The following GULP1 variants were observed in gnomAD, a reference collection of about 807,000 sequenced individuals.
GULP1 encodes the protein PTB domain-containing engulfment adapter protein 1.
Under a neutral mutation model 40.9 loss-of-function variants are expected in GULP1, and 19 were observed. The ratio of observed to expected loss-of-function variants is 0.46; its 90% CI spans 0.32 to 0.68. GULP1 has a LOEUF of 0.68. Among genes scored for constraint, GULP1 ranks in the 30% least tolerant of loss-of-function variants. The pLI is 0.03. For missense variants in GULP1, 312 were observed against 362.2 expected, an observed-to-expected ratio of 0.86 and a Z score of 1.12; for synonymous variants, 119 against 117.6, an observed-to-expected ratio of 1.01 and a Z score of -0.08.
intron 1 of GULP1, among the ~76,000 whole-genome samples, chr2:188,350,166 A>G (rs929575430): frequency 6.6e-6 from 1 of 151,956 alleles, no homozygotes; most frequent in African/African-American, 2.4e-5. Flanking sequence ...TTTTAGTATT[A>G]TTTTGTCCAT....
intron 9 of GULP1, among the ~76,000 whole-genome samples, chr2:188,582,137 G>A (rs1701451400): frequency 6.6e-6 from 1 of 152,072 alleles, no homozygotes; most frequent in African/African-American, 2.4e-5. Context: ...GTAAAAAAAA[G>A]ATCAAATTAA....
Position 188,331,764 on chromosome 2 carries a change from A to G in GULP1, c.-172+39598A>G, listed in dbSNP as rs527543482. 4.6e-5 allele frequency among the ~76,000 whole-genome samples: 7 copies of G among 152,306 alleles called. No homozygotes were observed. In the South Asian group the frequency reaches 1.2e-3, roughly 27 times the overall value. ...TTGATTATTTCTGATTGTTGGGAAA[A>G]TGGACAAATTATACTTTTACTTATT... is the stretch of plus-strand genomic sequence containing the variant. On this transcript the variant is annotated intron_variant, in intron 1 of 11. Transcript: ENST00000409830.
chr2:188,534,987 A>G (rs1482931883), intron 6 of GULP1, among the ~76,000 whole-genome samples: 3 of 151,422 alleles, frequency 2.0e-5, no homozygotes, highest in Non-Finnish European at 2.9e-5. Flanking sequence ...TCGATTTCCT[A>G]TTATTAAGAC....
chr2:188,479,792 A>G (rs2061311454), intron 3 of GULP1, among the ~76,000 whole-genome samples: 1 of 152,124 alleles, frequency 6.6e-6, no homozygotes, highest in African/African-American at 2.4e-5. Context: ...AAATCCCAAG[A>G]GTTGGATAGT....
At chr2:188,565,152 T>C (rs1174889453) in intron 7 of GULP1, among the ~76,000 whole-genome samples, 1 of 151,908 alleles carries the variant, frequency 6.6e-6, no homozygotes, top group Non-Finnish European at 1.5e-5. Flanking sequence ...AGTGATTTCC[T>C]GGAAATGACC....
At chr2:188,409,270 A>T (rs565810503) in intron 2 of GULP1, among the ~76,000 whole-genome samples, 43 of 152,288 alleles carry the variant, frequency 2.8e-4, no homozygotes, top group African/African-American at 1.0e-3. Flanking sequence ...ATGAAAGAGG[A>T]GAAACTACAA....
chr2:188,534,242 C>T (rs1359914538), intron 6 of GULP1, among the ~76,000 whole-genome samples: 2 of 152,120 alleles, frequency 1.3e-5, no homozygotes, highest in Non-Finnish European at 2.9e-5. Context: ...AACCTAGATG[C>T]CTCTCAATGG....
chr2:188,557,023 C>CA (rs1193397388), intron 7 of GULP1, among the ~76,000 whole-genome samples: 217 of 126,352 alleles, frequency 1.7e-3, no homozygotes, highest in African/African-American at 2.1e-3. Flanking sequence ...GACTCTGTCT[C>CA]AAAAAAAAAA....
intron 2 of GULP1, among the ~76,000 whole-genome samples, chr2:188,415,903 A>G (rs4476318): frequency 0.18 from 27,086 of 152,122 alleles, 2,479 homozygotes; most frequent in East Asian, 0.24. Context: ...TGATACAAGT[A>G]ACCAAGATGC....
chr2:188,363,661 T>C (rs2046373756), intron 1 of GULP1, among the ~76,000 whole-genome samples: 1 of 152,148 alleles, frequency 6.6e-6, no homozygotes, highest in South Asian at 2.1e-4. Flanking sequence ...TAACACTCTT[T>C]TGAAAGCAAA....
At chr2:188,502,419 A>G (rs1177985527) in intron 4 of GULP1, among the ~76,000 whole-genome samples, 1 of 151,966 alleles carries the variant, frequency 6.6e-6, no homozygotes, top group African/African-American at 2.4e-5. Context: ...CTATAAGAAT[A>G]TTATAGAGTA....
chr2:188,306,741 C>G (rs180697811), intron 1 of GULP1, among the ~76,000 whole-genome samples: 2 of 152,222 alleles, frequency 1.3e-5, no homozygotes, highest in East Asian at 3.9e-4. Flanking sequence ...AAGAGCAATT[C>G]AAAACCATTT....
chr2:188,510,611 C>T (rs575717145), intron 4 of GULP1, among the ~76,000 whole-genome samples: 1 of 151,852 alleles, frequency 6.6e-6, no homozygotes, highest in Non-Finnish European at 1.5e-5. Flanking sequence ...ATATACTCAG[C>T]CTCACTAAGA....
At chr2:188,543,297 A>G (rs969763923) in intron 7 of GULP1, among the ~76,000 whole-genome samples, 11 of 152,144 alleles carry the variant, frequency 7.2e-5, no homozygotes, top group African/African-American at 2.4e-4. Flanking sequence ...TTTAAAAGCT[A>G]TTATCAATTG....
chr2:188,378,361 T>G (rs944658153), intron 1 of GULP1, among the ~76,000 whole-genome samples: 8 of 151,802 alleles, frequency 5.3e-5, no homozygotes, highest in Non-Finnish European at 1.0e-4. Flanking sequence ...GTTACGCCAA[T>G]AGTATTTATT....
rs376033299 is a variant in GULP1 at position 188,468,564 on chromosome 2, T to A, written c.-44-9095T>A. On this transcript the variant is annotated intron_variant, in intron 2 of 11. Coordinates refer to ENST00000409830, the MANE Select transcript of GULP1 (RefSeq NM_016315.4). ...ATTATTTTGAAAAAACTAGATTTAT[T>A]CACGTTTCTAGGACATCTTTTGCAA... 4.6e-4 allele frequency among the ~76,000 whole-genome samples: 70 copies of A among 152,330 alleles called. No individual in the cohort carries two copies. In the South Asian group the frequency reaches 0.014, roughly 32 times the overall value.
chr2:188,494,380 G>A (rs767397415), intron 4 of GULP1, among the ~76,000 whole-genome samples: 6 of 151,774 alleles, frequency 4.0e-5, no homozygotes, highest in African/African-American at 1.2e-4. Flanking sequence ...ATGAAACAGC[G>A]GATTTTTTCC....
intron 2 of GULP1, among the ~76,000 whole-genome samples, chr2:188,411,011 A>C (rs1201634694): frequency 6.6e-6 from 1 of 152,164 alleles, no homozygotes; most frequent in Middle Eastern, 3.2e-3. Flanking sequence ...CCTTGGGTGC[A>C]TAATTGCTCT....
intron 1 of GULP1, among the ~76,000 whole-genome samples, chr2:188,304,226 A>G (rs2036646599): frequency 6.6e-6 from 1 of 152,184 alleles, no homozygotes; most frequent in African/African-American, 2.4e-5. Flanking sequence ...AAATAATCAG[A>G]TAAAGTAAAA....
Sources: allele counts gnomAD v4.1 joint callset (sites outside exome capture counted in the v4.1 genomes callset), GRCh38; gene constraint gnomAD v4.1.1; transcripts MANE v1.5; gene names NCBI Gene and HGNC (gene_info 2026-07-23, HGNC 2026-07-21).